HNRNPDL: variants seen among roughly 807,000 people sequenced by gnomAD.
HNRNPDL encodes heterogeneous nuclear ribonucleoprotein D-like.
Under a neutral mutation model 48.0 loss-of-function variants are expected in HNRNPDL, and 18 were observed. The observed-to-expected ratio is 0.38, with a 90% CI of 0.26 to 0.56. The LOEUF is 0.56. Ranked by LOEUF, HNRNPDL falls within the 20% of genes least tolerant of loss-of-function variation. The probability of loss-of-function intolerance (pLI) is 0.77; values close to 1 mark genes in which losing one functional copy is unlikely to be tolerated. For synonymous variants in HNRNPDL, 306 were observed against 207.3 expected (o/e 1.48, Z -4.09); for missense variants, 553 against 540.7 (o/e 1.02, Z -0.23).
In HNRNPDL at chr4:82,423,493, A is replaced by G. The variant is rs1447999292; in HGVS notation, c.*1413T>C. The G allele has an allele frequency of 6.6e-6, 1 of 152,176 alleles. No individual in the cohort carries two copies. 9.4% of individuals were successfully genotyped at this position (152,176 alleles called of 1,614,324 possible). A position where few individuals can be genotyped will look rare whatever the true frequency, so the allele number is the denominator to read the frequency against. Reference sequence around the variant, plus strand: ...ATTATAATGTGATAGCCCAGGAAGTAGAATCATTGTTAAGAAAGTTGCAGG... The same window carrying G: ...ATTATAATGTGATAGCCCAGGAAGTGGAATCATTGTTAAGAAAGTTGCAGG... On this transcript the variant is annotated 3_prime_UTR_variant, in exon 8 of 8. Coordinates refer to ENST00000295470, the MANE Select transcript of HNRNPDL (RefSeq NM_031372.4).
At chr4:82,429,032 CT>C in intron 1 of HNRNPDL, among the ~76,000 whole-genome samples, 1 of 152,212 alleles carries the variant, frequency 6.6e-6, no homozygotes, top group South Asian at 2.1e-4. Context: ...CGCCGCCCTC[CT>C]CCTCCAACCC....
intron 3 of HNRNPDL, 112 bp from the exon 4 acceptor site, chr4:82,427,676 A>G: frequency 2.1e-6 from 2 of 938,376 alleles, no homozygotes; most frequent in Non-Finnish European, 3.3e-6. Context: ...TTATCGGGTG[A>G]CTTCTATACA....
At position 82,429,711 on chromosome 4, in the gene HNRNPDL, G is replaced by C; in HGVS notation, c.-21C>G. On this transcript the variant is annotated 5_prime_UTR_variant, in exon 1 of 8. Coordinates refer to ENST00000295470, the MANE Select transcript of HNRNPDL (RefSeq NM_031372.4). ...TCCATCGCGGCCCTCCCGGCAAGGA[G>C]AGAGGCCACGCGTGAGGGGACGCGG... The C allele has an allele frequency of 7.4e-7, 1 of 1,346,544 alleles. No homozygotes were observed. Among genetic ancestry groups the C allele is most frequent in the East Asian group, 3.1e-5 (1 of 32,756 alleles). 83.4% of individuals were successfully genotyped at this position (1,346,544 alleles called of 1,614,324 possible).
rs1358533421 is a variant in HNRNPDL at position 82,429,913 on chromosome 4, C to A, written c.-223G>T. ...AGCCGTCAACCCCGCCTTTTTCTGC[C>A]CTCGGTTCGCCAGTGCGGAGCCGCT... On this transcript the variant is annotated 5_prime_UTR_variant, in exon 1 of 8. Transcript: ENST00000295470. 2.6e-6 allele frequency: 1 copy of A among 379,236 alleles called. No individual in the cohort carries two copies. The highest frequency in any genetic ancestry group is 4.7e-6 in the Non-Finnish European group (1 of 214,374). 23.5% of individuals were successfully genotyped at this position (379,236 alleles called of 1,614,324 possible).
Position 82,426,627 on chromosome 4 carries a change from C to A in HNRNPDL, c.1028G>T (p.Gly343Val). 1 of 1,613,418 alleles carries A rather than the reference C, an allele frequency of 6.2e-7. No homozygotes were observed. The highest frequency in any genetic ancestry group is 8.5e-7 in the Non-Finnish European group (1 of 1,179,676). Residue 343 changes from glycine (G) to valine (V), a missense_variant, in exon 6 of 8, where the codon GGC becomes GTC. Physicochemically the swap from Gly to Val is moderately radical, Grantham distance 109 (BLOSUM62 -3). Transcript: ENST00000295470. ...GGTRGRGRGQ[G>V]QNWNQGFNNY... ...ATTAAATCCTTGGTTCCAGTTTTGG[C>A]CCTGACCTGAAACAATGCACAATGA... is the stretch of plus-strand genomic sequence containing the variant.
intron 4 of HNRNPDL, 41 bp downstream of exon 4, chr4:82,427,392 A>C (rs182552266): frequency 9.3e-5 from 143 of 1,542,366 alleles, no homozygotes; most frequent in Non-Finnish European, 1.2e-4. Context: ...AAATTATTTC[A>C]ATTATTTAAA....
At position 82,426,269 on chromosome 4, in the gene HNRNPDL, T is replaced by TG. The variant is rs1721402784; in HGVS notation, c.1193-141_1193-140insC. 3.3e-5 allele frequency: 29 copies of TG among 870,930 alleles called. No homozygotes were observed. In the South Asian group the frequency reaches 4.3e-4, roughly 13 times the overall value. 54.0% of individuals were successfully genotyped at this position (870,930 alleles called of 1,614,324 possible). A position where few individuals can be genotyped will look rare whatever the true frequency, so the allele number is the denominator to read the frequency against. On this transcript the variant is annotated intron_variant, in intron 6 of 7. Transcript: ENST00000295470. ...TTTAGCACCCATTAGATGCTACTCATAAATCATACATCCTAGTTCATTTAT... is the reference window on the plus strand; with the variant it reads ...TTTAGCACCCATTAGATGCTACTCATGAAATCATACATCCTAGTTCATTTAT...
Position 82,429,498 on chromosome 4 carries a change from G to C in HNRNPDL, c.193C>G (p.Gln65Glu). The change falls in exon 1 of 8, where the codon CAG becomes GAG. Residue 65 changes from glutamine to glutamate, a missense_variant. Gln to Glu is a conservative substitution (Grantham distance 29, BLOSUM62 2). This residue lies in a region of HNRNPDL where 327 missense variants were observed against 203.2 expected (regional missense o/e 1.61). Transcript: ENST00000295470. Reference protein sequence around the residue: ...RRAQRHVTAQQPSRLAGGAAI... With the variant: ...RRAQRHVTAQEPSRLAGGAAI... ...GCCCCGCCCGCCAATCGGGAGGGCTGCTGGGCGGTGACGTGGCGCTGGGCC... is the reference window on the plus strand; with the variant it reads ...GCCCCGCCCGCCAATCGGGAGGGCTCCTGGGCGGTGACGTGGCGCTGGGCC... 1.3e-6 allele frequency: 2 copies of C among 1,553,108 alleles called. No individual in the cohort carries two copies. Among genetic ancestry groups the C allele is most frequent in the Non-Finnish European group, 8.7e-7 (1 of 1,149,486 alleles).
rs1721642157 is a variant in HNRNPDL at position 82,429,843 on chromosome 4, G to A, written c.-153C>T. Reference sequence around the variant, plus strand: ...CAGGGCCACAGTCCCTCTTGCCTTGGGAGCCTTTGTCTCTGGCGTCCGGTC... The same window carrying A: ...CAGGGCCACAGTCCCTCTTGCCTTGAGAGCCTTTGTCTCTGGCGTCCGGTC... On this transcript the variant is annotated 5_prime_UTR_variant, in exon 1 of 8. Coordinates refer to ENST00000295470, the MANE Select transcript of HNRNPDL (RefSeq NM_031372.4). 1 of 490,804 alleles carries A rather than the reference G, an allele frequency of 2.0e-6. No individual in the cohort carries two copies. The allele number at this position is 490,804 out of a possible 1,614,324, so 30.4% of individuals were successfully genotyped here.
rs1491533833 is a variant in HNRNPDL, at chr4:82,424,441, ATG to A, written c.*463_*464del. 6.5e-5 allele frequency: 10 copies of A among 152,672 alleles called. No individual in the cohort carries two copies. Among genetic ancestry groups the A allele is most frequent in the Admixed American group, 6.5e-4 (10 of 15,286 alleles). The allele number at this position is 152,672 out of a possible 1,614,324, so 9.5% of individuals were successfully genotyped here. On this transcript the variant is annotated 3_prime_UTR_variant, in exon 8 of 8. Coordinates refer to ENST00000295470, the MANE Select transcript of HNRNPDL (RefSeq NM_031372.4). Reference sequence around the variant, plus strand: ...TAGAAATCTCAGTTACAGGGAGAAGATGAAGCCTTAAGAGCATAAAATACACC... The same window carrying A: ...TAGAAATCTCAGTTACAGGGAGAAGAAAGCCTTAAGAGCATAAAATACACC...
Position 82,423,573 on chromosome 4 carries a change from TTGTGAGATCACCCGTTG to T in HNRNPDL, c.*1316_*1332del, listed in dbSNP as rs1299489943. 1 of 152,028 alleles carries T rather than the reference TTGTGAGATCACCCGTTG, an allele frequency of 6.6e-6. No individual in the cohort carries two copies. Among genetic ancestry groups the T allele is most frequent in the African/African-American group, 2.4e-5 (1 of 41,362 alleles). The allele number at this position is 152,028 out of a possible 1,614,324, so 9.4% of individuals were successfully genotyped here. A position where few individuals can be genotyped will look rare whatever the true frequency, so the allele number is the denominator to read the frequency against. ...CATGAGCATAAGAAACTTACCAGTT[TTGTGAGATCACCCGTTG>T]TGTGAGATCAACTACTCTGCCTGTG... is the stretch of plus-strand genomic sequence containing the variant. On this transcript the variant is annotated 3_prime_UTR_variant, in exon 8 of 8. Transcript: ENST00000295470.
chr4:82,428,226 A>G, intron 2 of HNRNPDL, 47 bp from the exon 3 acceptor site: 1 of 1,607,682 alleles, frequency 6.2e-7, no homozygotes, highest in Non-Finnish European at 8.5e-7. Flanking sequence ...TAACCCCCAG[A>G]AAAATTTGCA....
intron 7 of HNRNPDL, 98 bp downstream of exon 7, chr4:82,425,939 A>G: frequency 3.8e-6 from 3 of 792,764 alleles, no homozygotes; most frequent in Non-Finnish European, 6.3e-6. Flanking sequence ...ATTTAGTAAA[A>G]ACAGGCTACA....
chr4:82,430,152 C>CGGGCGCGCGGGCCAAGG lies in HNRNPDL; in HGVS notation c.-479_-463dup, dbSNP rs1721664847. 6.6e-6 allele frequency: 1 copy of CGGGCGCGCGGGCCAAGG among 152,412 alleles called. No individual in the cohort carries two copies. Among genetic ancestry groups the CGGGCGCGCGGGCCAAGG allele is most frequent in the East Asian group, 1.9e-4 (1 of 5,156 alleles). The allele number at this position is 152,412 out of a possible 1,614,324, so 9.4% of individuals were successfully genotyped here. A position where few individuals can be genotyped will look rare whatever the true frequency, so the allele number is the denominator to read the frequency against. On this transcript the variant is annotated 5_prime_UTR_variant, in exon 1 of 8. Transcript: ENST00000295470. The stretch of plus-strand genomic sequence containing the variant: ...GCGGGCGCCTCTTCCACTGTGACCA[C>CGGGCGCGCGGGCCAAGG]GGGCGCGCGGGCCAAGGGGGCGCGG...
chr4:82,428,557 A>G (rs1721517217), intron 1 of HNRNPDL, 111 bp from the exon 2 acceptor site: 1 of 797,298 alleles, frequency 1.3e-6, no homozygotes, highest in South Asian at 1.9e-5. Flanking sequence ...AAGTGTAGGC[A>G]ATTTAATTCA....
At position 82,428,343 on chromosome 4, in the gene HNRNPDL, G is replaced by C; in HGVS notation, c.547C>G (p.Pro183Ala). Reference protein sequence around the residue: ...EVVDCTIKTDPVTGRSRGFGF... With the variant: ...EVVDCTIKTDAVTGRSRGFGF... ...AATCCTCTTGATCTCCCAGTGACTG[G>C]ATCTGTTTTAATTGTGCAGTCTACA... is the stretch of plus-strand genomic sequence containing the variant. Residue 183 changes from proline to alanine, a missense_variant, in exon 2 of 8, where the codon CCA (proline) becomes GCA (alanine). Pro to Ala is a conservative substitution (Grantham distance 27). Coordinates refer to ENST00000295470, the MANE Select transcript of HNRNPDL (RefSeq NM_031372.4). The C allele has an allele frequency of 1.2e-6, 2 of 1,613,876 alleles. No individual in the cohort carries two copies. The highest frequency in any genetic ancestry group is 2.2e-5 in the East Asian group (1 of 44,860).
At chr4:82,426,706 G>C (rs978417192) in intron 5 of HNRNPDL, 73 bp from the exon 6 acceptor site, 45 of 1,239,400 alleles carry the variant, frequency 3.6e-5, no homozygotes, top group Non-Finnish European at 1.4e-5. Flanking sequence ...ATGCGTTCTT[G>C]TCTCTCACTC....
chr4:82,429,140 C>T lies in HNRNPDL; in HGVS notation c.443+108G>A, dbSNP rs1366436827. 3.9e-6 allele frequency: 4 copies of T among 1,019,530 alleles called. No homozygotes were observed. The East Asian group carries it at 9.6e-5, about 24-fold the overall frequency. 63.2% of individuals were successfully genotyped at this position (1,019,530 alleles called of 1,614,324 possible). On this transcript the variant is annotated intron_variant, in intron 1 of 7. Transcript: ENST00000295470. ...AATCTAGTGGGGCCCAGAAGGCACG[C>T]GGGGAATCGACTCTGAGAAAGAATG...
At chr4:82,429,178 G>T in intron 1 of HNRNPDL, 70 bp downstream of exon 1, 1 of 1,397,640 alleles carries the variant, frequency 7.2e-7, no homozygotes, top group Non-Finnish European at 1.0e-6. Context: ...GGCAGCGCGC[G>T]GCTCACGAGG....
Sources: gnomAD v4.1 joint callset for allele counts (sites outside exome capture counted in the v4.1 genomes callset) on GRCh38, gnomAD v4.1.1 for gene constraint, gnomAD v4.1.1 regional missense constraint, MANE v1.5 for transcripts, NCBI Gene and HGNC (gene_info 2026-07-23, HGNC 2026-07-21) for gene names.